Variants in CDIN1 observed in about 807,000 individuals in gnomAD.
CDIN1 encodes CDAN1 interacting nuclease 1, also known as CDAN1-interacting nuclease 1.
CDIN1 carries 33 observed loss-of-function variants against 45.3 expected under a neutral mutation model. The observed-to-expected ratio is 0.73, with a 90% CI of 0.55 to 0.97. The LOEUF (loss-of-function observed/expected upper bound fraction) is 0.97, where lower values mean the gene tolerates loss of function less well. Ranked by LOEUF, CDIN1 falls within the 50% of genes least tolerant of loss-of-function variation. The pLI is 0.00. For missense variants in CDIN1, 303 were observed against 339.4 expected, an observed-to-expected ratio of 0.89 and a Z score of 0.84; for synonymous variants, 118 against 124.4, an observed-to-expected ratio of 0.95 and a Z score of 0.34.
At chr15:36,613,329 C>CTA (rs1475775967) in intron 1 of CDIN1, 21 of 683,028 alleles carry the variant, frequency 3.1e-5, no homozygotes, top group Non-Finnish European at 5.1e-5. Flanking sequence ...AGTCACTGTG[C>CTA]TATATATTGA....
At chr15:36,767,063 G>C (rs1018057950) in intron 10 of CDIN1, among the ~76,000 whole-genome samples, 3 of 152,116 alleles carry the variant, frequency 2.0e-5, no homozygotes, top group Admixed American at 6.5e-5. Context: ...GGGTTTTACA[G>C]TTCAGGTCTT....
chr15:36,801,520 A>G (rs2055046181), intron 10 of CDIN1, among the ~76,000 whole-genome samples: 1 of 152,122 alleles, frequency 6.6e-6, no homozygotes, highest in Admixed American at 6.6e-5. Context: ...TTTCTGGGAA[A>G]ACAAATCTCT....
At chr15:36,648,988 G>A (rs2040465693) in intron 3 of CDIN1, among the ~76,000 whole-genome samples, 2 of 151,906 alleles carry the variant, frequency 1.3e-5, no homozygotes. Flanking sequence ...CTTCATAAGT[G>A]CTAGGAAAAA....
At chr15:36,637,543 T>C (rs1263201704) in intron 1 of CDIN1, among the ~76,000 whole-genome samples, 1 of 152,150 alleles carries the variant, frequency 6.6e-6, no homozygotes, top group South Asian at 2.1e-4. Flanking sequence ...TTACAAACAC[T>C]TGAAAAATTG....
rs976433315 is a variant in CDIN1 at position 36,579,739 on chromosome 15, C to T, written c.-122C>T. On this transcript the variant is annotated 5_prime_UTR_variant, in exon 1 of 11. Transcript: ENST00000566621. The stretch of plus-strand genomic sequence containing the variant: ...GTGTTTCAGGGGGGATTGGGGCAAG[C>T]CAAGCAGGCGAGGACCCGGGCCTGT... The T allele has an allele frequency of 1.9e-4, 141 of 735,842 alleles. No homozygotes were observed. Among genetic ancestry groups the T allele is most frequent in the Non-Finnish European group, 3.1e-5 (14 of 453,858 alleles). The allele number at this position is 735,842 out of a possible 1,614,324, so 45.6% of individuals were successfully genotyped here. A position where few individuals can be genotyped will look rare whatever the true frequency, so the allele number is the denominator to read the frequency against.
intron 10 of CDIN1, among the ~76,000 whole-genome samples, chr15:36,778,227 C>T (rs903224945): frequency 6.6e-6 from 1 of 152,038 alleles, no homozygotes; most frequent in African/African-American, 2.4e-5. Context: ...AGCTACTGAC[C>T]CCCACAGATG....
intron 1 of CDIN1, among the ~76,000 whole-genome samples, chr15:36,603,131 G>C (rs953104556): frequency 2.6e-5 from 4 of 152,144 alleles, no homozygotes; most frequent in African/African-American, 9.7e-5. Context: ...AGTTTATTTT[G>C]TTACTTTATC....
At chr15:36,689,803 A>G (rs2042179055) in intron 5 of CDIN1, among the ~76,000 whole-genome samples, 2 of 152,168 alleles carry the variant, frequency 1.3e-5, no homozygotes, top group African/African-American at 4.8e-5. Context: ...ATTGAGTCCA[A>G]CCCTATGGTT....
chr15:36,587,783 C>T (rs2037376210), intron 1 of CDIN1, among the ~76,000 whole-genome samples: 1 of 152,076 alleles, frequency 6.6e-6, no homozygotes, highest in African/African-American at 2.4e-5. Context: ...TCACAGTTGT[C>T]TCATCTGTAA....
intron 1 of CDIN1, among the ~76,000 whole-genome samples, chr15:36,592,752 CTTGA>C (rs1356920204): frequency 2.6e-5 from 4 of 151,678 alleles, no homozygotes; most frequent in Non-Finnish European, 5.9e-5. Flanking sequence ...AAGAATGCTG[CTTGA>C]TTTTTTTTTT....
chr15:36,583,534 C>T (rs751534349), intron 1 of CDIN1, among the ~76,000 whole-genome samples: 9 of 152,290 alleles, frequency 5.9e-5, no homozygotes, highest in South Asian at 2.1e-4. Flanking sequence ...CACCCTCATT[C>T]TATTTTCGTT....
intron 8 of CDIN1, chr15:36,702,184 T>A: frequency 1.4e-6 from 1 of 700,370 alleles, no homozygotes; most frequent in Non-Finnish European, 2.6e-6. Context: ...ATTTAAATTC[T>A]TGTCTATCCG....
Position 36,809,181 on chromosome 15 carries a change from G to T in CDIN1, c.*728G>T. The T allele has an allele frequency of 3.4e-6, 1 of 293,044 alleles. No individual in the cohort carries two copies. The highest frequency in any genetic ancestry group is 6.8e-6 in the Non-Finnish European group (1 of 147,834). The allele number at this position is 293,044 out of a possible 1,614,324, so 18.2% of individuals were successfully genotyped here. On this transcript the variant is annotated 3_prime_UTR_variant, in exon 11 of 11. Transcript: ENST00000566621. The stretch of plus-strand genomic sequence containing the variant: ...AGATTTATCTTATTTGAAAGTATTA[G>T]TTCCATTGTGCCTGGAAACCACACT...
intron 1 of CDIN1, among the ~76,000 whole-genome samples, chr15:36,588,382 T>C (rs1179105397): frequency 1.3e-5 from 2 of 152,198 alleles, no homozygotes; most frequent in Non-Finnish European, 2.9e-5. Flanking sequence ...AAGTTGATTC[T>C]CAGTTTGTGG....
intron 10 of CDIN1, among the ~76,000 whole-genome samples, chr15:36,787,303 T>A (rs1301386858): frequency 5.3e-5 from 8 of 152,114 alleles, no homozygotes; most frequent in African/African-American, 1.2e-4. Flanking sequence ...AATAGAAATT[T>A]CACCTTTTTA....
chr15:36,637,727 G>A (rs531776703), intron 1 of CDIN1, among the ~76,000 whole-genome samples: 27 of 152,230 alleles, frequency 1.8e-4, no homozygotes, highest in Non-Finnish European at 3.4e-4. Flanking sequence ...ATACTCATTC[G>A]ATAGAATATA....
intron 10 of CDIN1, among the ~76,000 whole-genome samples, chr15:36,784,006 C>T (rs895022622): frequency 6.6e-6 from 1 of 152,068 alleles, no homozygotes; most frequent in African/African-American, 2.4e-5. Flanking sequence ...GGTTCATACA[C>T]TAAGAGAAAA....
At chr15:36,664,731 A>G (rs2041177147) in intron 5 of CDIN1, among the ~76,000 whole-genome samples, 1 of 152,096 alleles carries the variant, frequency 6.6e-6, no homozygotes, top group Non-Finnish European at 1.5e-5. Flanking sequence ...TGTTTTTAAT[A>G]GAGACGGGGT....
At chr15:36,646,625 A>G (rs952713771) in intron 3 of CDIN1, among the ~76,000 whole-genome samples, 7 of 151,640 alleles carry the variant, frequency 4.6e-5, no homozygotes, top group African/African-American at 4.9e-5. Context: ...CCGTGTTGGC[A>G]TCCAGACTCT....
Sources: allele counts gnomAD v4.1 joint callset (sites outside exome capture counted in the v4.1 genomes callset), GRCh38; gene constraint gnomAD v4.1.1; transcripts MANE v1.5; gene names NCBI Gene and HGNC (gene_info 2026-07-23, HGNC 2026-07-21).